Variants in TMEM132D observed in about 807,000 individuals in gnomAD.
TMEM132D encodes the protein transmembrane protein 132D, also known as mature OL transmembrane protein.
A neutral mutation model predicts 62.3 loss-of-function variants in TMEM132D; 21 were observed. That is an observed-to-expected ratio of 0.34 (90% CI 0.24 to 0.49). TMEM132D has a LOEUF of 0.49. Among genes scored for constraint, TMEM132D ranks in the 20% least tolerant of loss-of-function variants. TMEM132D has a pLI of 0.99. For synonymous variants in TMEM132D, 621 were observed against 575.6 expected (o/e 1.08, Z -1.13); for missense variants, 1,346 against 1,402.8 (o/e 0.96, Z 0.65).
intron 3 of TMEM132D, among the ~76,000 whole-genome samples, chr12:129,476,898 C>T (rs191222619): frequency 2.5e-3 from 387 of 152,250 alleles, no homozygotes; most frequent in Non-Finnish European, 4.4e-3. Flanking sequence ...ACTTACGCTG[C>T]CTTCCAGTAT....
chr12:129,898,425 C>A (rs1875221130), intron 1 of TMEM132D, among the ~76,000 whole-genome samples: 1 of 152,212 alleles, frequency 6.6e-6, no homozygotes, highest in Admixed American at 6.5e-5. Context: ...TTGTGAAAGG[C>A]AGAAGTGCAC....
At chr12:129,357,961 A>C (rs1870127835) in intron 3 of TMEM132D, among the ~76,000 whole-genome samples, 1 of 152,230 alleles carries the variant, frequency 6.6e-6, no homozygotes. Context: ...TCACAGGATT[A>C]AAGTTTCCCA....
intron 5 of TMEM132D, among the ~76,000 whole-genome samples, chr12:129,203,992 C>A (rs1410880342): frequency 1.3e-5 from 2 of 152,158 alleles, no homozygotes; most frequent in Admixed American, 1.3e-4. Flanking sequence ...TAATCAAACC[C>A]CCTAGAACCT....
intron 3 of TMEM132D, among the ~76,000 whole-genome samples, chr12:129,365,337 T>C (rs1870370744): frequency 6.6e-6 from 1 of 152,176 alleles, no homozygotes; most frequent in African/African-American, 2.4e-5. Context: ...CAGTTCATTC[T>C]GTTTTCATTC....
chr12:129,799,491 A>G (rs1441648763), intron 1 of TMEM132D, among the ~76,000 whole-genome samples: 1 of 151,932 alleles, frequency 6.6e-6, no homozygotes, highest in Non-Finnish European at 1.5e-5. Flanking sequence ...TTTTGGATGG[A>G]GAAAGTTCTG....
chr12:129,527,028 G>A (rs932637358), intron 3 of TMEM132D, among the ~76,000 whole-genome samples: 2 of 152,196 alleles, frequency 1.3e-5, no homozygotes, highest in African/African-American at 4.8e-5. Context: ...TCTATTTAAG[G>A]CTGGGTACGG....
intron 1 of TMEM132D, among the ~76,000 whole-genome samples, chr12:129,712,806 T>G (rs1868426238): frequency 6.6e-6 from 1 of 152,160 alleles, no homozygotes; most frequent in Non-Finnish European, 1.5e-5. Flanking sequence ...TTCGCTTTCT[T>G]CCTTCCTGCT....
chr12:129,195,280 C>G (rs1878516201), intron 5 of TMEM132D, among the ~76,000 whole-genome samples: 1 of 151,762 alleles, frequency 6.6e-6, no homozygotes, highest in Admixed American at 6.6e-5. Context: ...CAAGAGTCAT[C>G]AAGAAGCCCA....
intron 3 of TMEM132D, among the ~76,000 whole-genome samples, chr12:129,409,043 T>C (rs1378608417): frequency 1.3e-5 from 2 of 152,186 alleles, no homozygotes; most frequent in Non-Finnish European, 2.9e-5. Flanking sequence ...AGCGATTCTT[T>C]TGCCTCAGCC....
At chr12:129,810,355 T>A (rs960982839) in intron 1 of TMEM132D, among the ~76,000 whole-genome samples, 2 of 152,084 alleles carry the variant, frequency 1.3e-5, no homozygotes, top group African/African-American at 2.4e-5. Flanking sequence ...TTCCTTATTT[T>A]AAAAAAATCT....
intron 1 of TMEM132D, among the ~76,000 whole-genome samples, chr12:129,813,294 A>G (rs1222091996): frequency 6.6e-6 from 1 of 151,712 alleles, no homozygotes; most frequent in South Asian, 2.1e-4. Flanking sequence ...TGCCAAACAC[A>G]CACTTCACAA....
intron 2 of TMEM132D, among the ~76,000 whole-genome samples, chr12:129,674,854 C>T (rs1273040111): frequency 6.6e-6 from 1 of 152,116 alleles, no homozygotes; most frequent in Non-Finnish European, 1.5e-5. Flanking sequence ...TATGTTTTAA[C>T]CCTTAGCCAT....
At chr12:129,878,165 C>T (rs1593196402) in intron 1 of TMEM132D, among the ~76,000 whole-genome samples, 1 of 152,292 alleles carries the variant, frequency 6.6e-6, no homozygotes, top group African/African-American at 2.4e-5. Context: ...CATCAGGATT[C>T]ACCTCAGGTC....
At position 129,874,600 on chromosome 12, in the gene TMEM132D, A is replaced by T. The variant is rs574827912; in HGVS notation, c.79+28661T>A. Among the ~76,000 whole-genome samples the T allele has an allele frequency of 5.3e-4, 80 of 151,426 alleles. 1 individual carries two copies. The highest frequency in any genetic ancestry group is 1.0e-4 in the Non-Finnish European group (7 of 67,840). On this transcript the variant is annotated intron_variant, in intron 1 of 8. Transcript: ENST00000422113. ...CCTCAATAAAGCTAGGTTAAAAAAA[A>T]AAAAAAAACGGAGGTCAAAAAGCTA...
At chr12:129,795,709 T>C (rs1871543905) in intron 1 of TMEM132D, among the ~76,000 whole-genome samples, 1 of 152,210 alleles carries the variant, frequency 6.6e-6, no homozygotes, top group Admixed American at 6.5e-5. Flanking sequence ...TTGGGTTTTA[T>C]CGAAATTGTA....
chr12:129,313,104 G>T (rs1158415416), intron 4 of TMEM132D, among the ~76,000 whole-genome samples: 1 of 152,176 alleles, frequency 6.6e-6, no homozygotes, highest in African/African-American at 2.4e-5. Context: ...TTACTAGAGA[G>T]CCAAGAGGAA....
At chr12:129,207,972 A>G (rs1330752769) in intron 5 of TMEM132D, among the ~76,000 whole-genome samples, 2 of 152,168 alleles carry the variant, frequency 1.3e-5, no homozygotes, top group Non-Finnish European at 2.9e-5. Flanking sequence ...AACTGTCATC[A>G]CCCAACTGAT....
At chr12:129,118,639 C>T (rs551269015) in intron 5 of TMEM132D, among the ~76,000 whole-genome samples, 15 of 152,316 alleles carry the variant, frequency 9.8e-5, no homozygotes, top group Admixed American at 6.5e-4. Flanking sequence ...CAAAGCAAAA[C>T]GTACCTGGCA....
At chr12:129,622,907 T>C (rs1046373302) in intron 2 of TMEM132D, among the ~76,000 whole-genome samples, 5 of 152,180 alleles carry the variant, frequency 3.3e-5, no homozygotes, top group African/African-American at 7.2e-5. Context: ...TTAAAGCTAG[T>C]GTGGTAAACC....
Sources: gnomAD v4.1 joint callset for allele counts (sites outside exome capture counted in the v4.1 genomes callset) on GRCh38, gnomAD v4.1.1 for gene constraint, MANE v1.5 for transcripts, NCBI Gene and HGNC (gene_info 2026-07-23, HGNC 2026-07-21) for gene names.